Variants in TEAD1 observed in about 807,000 individuals in gnomAD.
TEAD1 encodes the protein TEA domain transcription factor 1, also known as transcriptional enhancer factor TEF-1.
A neutral mutation model predicts 54.9 loss-of-function variants in TEAD1; 9 were observed. That is an observed-to-expected ratio of 0.16 (90% confidence interval 0.10 to 0.29). The LOEUF (loss-of-function observed/expected upper bound fraction) is 0.29, where lower values mean the gene tolerates loss of function less well. TEAD1 is among the 10% of genes least tolerant of loss of function. TEAD1 has a pLI of 1.00. For missense variants in TEAD1, 387 were observed against 535.9 expected (o/e 0.72, Z 2.74); for synonymous variants, 200 against 187.8 (o/e 1.07, Z -0.53).
intron 2 of TEAD1, among the ~76,000 whole-genome samples, chr11:12,763,067 C>T (rs1159098885): frequency 2.0e-5 from 3 of 152,158 alleles, no homozygotes; most frequent in African/African-American, 7.2e-5. Context: ...GATCCTATAC[C>T]TTTTCAACAA....
intron 3 of TEAD1, among the ~76,000 whole-genome samples, chr11:12,830,385 C>G (rs989401344): frequency 1.3e-5 from 2 of 152,126 alleles, no homozygotes; most frequent in Admixed American, 6.5e-5. Flanking sequence ...AGACTCAACC[C>G]AAACCTGGCT....
At chr11:12,837,773 C>CTATTCCTCT (rs1946933752) in intron 3 of TEAD1, among the ~76,000 whole-genome samples, 1 of 24,102 alleles carries the variant, frequency 4.1e-5, no homozygotes, top group Admixed American at 7.8e-4. Context: ...CTTCTTCCTT[C>CTATTCCTCT]TCTTCCTCTT....
At chr11:12,741,835 G>A (rs1209217809) in intron 2 of TEAD1, among the ~76,000 whole-genome samples, 1 of 152,178 alleles carries the variant, frequency 6.6e-6, no homozygotes, top group Non-Finnish European at 1.5e-5. Context: ...GTGTGCCAGA[G>A]CTCCTGGGAT....
At chr11:12,696,716 G>A (rs1232619273) in intron 2 of TEAD1, among the ~76,000 whole-genome samples, 1 of 152,052 alleles carries the variant, frequency 6.6e-6, no homozygotes, top group Non-Finnish European at 1.5e-5. Flanking sequence ...CGACTAGTTT[G>A]TTGGGAAATA....
intron 10 of TEAD1, among the ~76,000 whole-genome samples, chr11:12,904,578 C>A (rs557813434): frequency 6.6e-6 from 1 of 152,306 alleles, no homozygotes; most frequent in Admixed American, 6.5e-5. Flanking sequence ...AAAATGACCA[C>A]TGTTATCTGA....
At chr11:12,709,461 A>C (rs1239019710) in intron 2 of TEAD1, among the ~76,000 whole-genome samples, 1 of 151,650 alleles carries the variant, frequency 6.6e-6, no homozygotes, top group Non-Finnish European at 1.5e-5. Flanking sequence ...GTTACACTTG[A>C]ACTTCTGGGC....
intron 10 of TEAD1, among the ~76,000 whole-genome samples, chr11:12,917,069 C>T (rs1287227279): frequency 1.3e-5 from 2 of 152,174 alleles, no homozygotes; most frequent in Non-Finnish European, 2.9e-5. Context: ...TGGTACATTA[C>T]ATGGCAAAGG....
intron 2 of TEAD1, among the ~76,000 whole-genome samples, chr11:12,747,228 A>G (rs909194835): frequency 2.6e-5 from 4 of 152,220 alleles, no homozygotes; most frequent in African/African-American, 9.6e-5. Context: ...AGTGGGGTGC[A>G]GAAATGAATG....
At chr11:12,764,513 C>G (rs1000733579) in intron 3 of TEAD1, 79 bp downstream of exon 3, 1 of 1,523,352 alleles carries the variant, frequency 6.6e-7, no homozygotes, top group Non-Finnish European at 9.1e-7. Context: ...GGTCTTCCAG[C>G]AAGAGCTGTT....
intron 2 of TEAD1, among the ~76,000 whole-genome samples, chr11:12,703,361 C>T (rs563643085): frequency 1.6e-4 from 24 of 152,312 alleles, no homozygotes; most frequent in South Asian, 2.1e-4. Flanking sequence ...CTCCCCTGCT[C>T]GGTACGTGGA....
chr11:12,811,043 A>G (rs916515324), intron 3 of TEAD1, among the ~76,000 whole-genome samples: 8 of 152,214 alleles, frequency 5.3e-5, no homozygotes, highest in Non-Finnish European at 1.0e-4. Context: ...TGTATGATTC[A>G]GGTGGGATGA....
intron 5 of TEAD1, among the ~76,000 whole-genome samples, chr11:12,876,086 G>A (rs1345355372): frequency 6.6e-6 from 1 of 152,170 alleles, no homozygotes; most frequent in Non-Finnish European, 1.5e-5. Context: ...TGTCATAAAA[G>A]CAATTGATTT....
rs868708311 is a variant in TEAD1 at position 12,674,464 on chromosome 11, T to A, written c.-578T>A. The A allele has an allele frequency of 6.6e-6, 1 of 151,088 alleles. No individual in the cohort carries two copies. The highest frequency in any genetic ancestry group is 1.5e-5 in the Non-Finnish European group (1 of 67,878). The allele number at this position is 151,088 out of a possible 1,614,324, so 9.4% of individuals were successfully genotyped here. ...ATCGCTCGCGCCGCGCCGCGCCGCCTGAGCCGAGCCGAGCCTCTGCTGCCG... is the reference window on the plus strand; with the variant it reads ...ATCGCTCGCGCCGCGCCGCGCCGCCAGAGCCGAGCCGAGCCTCTGCTGCCG... On this transcript the variant is annotated 5_prime_UTR_variant, in exon 1 of 13. Transcript: ENST00000527636.
intron 2 of TEAD1, among the ~76,000 whole-genome samples, chr11:12,742,703 T>A (rs1944671357): frequency 6.6e-6 from 1 of 151,886 alleles, no homozygotes. Flanking sequence ...CATATACAAC[T>A]ATTATTTATC....
intron 3 of TEAD1, among the ~76,000 whole-genome samples, chr11:12,809,383 C>T (rs12421189): frequency 3.2e-4 from 48 of 152,294 alleles, no homozygotes; most frequent in Non-Finnish European, 5.6e-4. Flanking sequence ...TTGCTGTCCC[C>T]ATTGACAGGG....
intron 2 of TEAD1, among the ~76,000 whole-genome samples, chr11:12,760,561 G>A (rs1301666136): frequency 6.6e-6 from 1 of 152,188 alleles, no homozygotes; most frequent in African/African-American, 2.4e-5. Context: ...GGATATATAT[G>A]TATGGGGAGG....
rs552852030 is a variant in TEAD1, at chr11:12,792,184, A to G, written c.202+27750A>G. Among the ~76,000 whole-genome samples, 48 of 152,236 alleles carry G rather than the reference A, an allele frequency of 3.2e-4. No individual in the cohort carries two copies. In the East Asian group the frequency reaches 6.0e-3, roughly 19 times the overall value. On this transcript the variant is annotated intron_variant, in intron 3 of 12. Coordinates refer to ENST00000527636, the MANE Select transcript of TEAD1 (RefSeq NM_021961.6). Reference sequence around the variant, plus strand: ...TACCAAAATAAGACAAAAATGAGTAAGTGTTTTTAAGGGAGATTTCCCTCA... The same window carrying G: ...TACCAAAATAAGACAAAAATGAGTAGGTGTTTTTAAGGGAGATTTCCCTCA...
intron 5 of TEAD1, among the ~76,000 whole-genome samples, chr11:12,866,840 G>T (rs1301019463): frequency 6.6e-6 from 1 of 152,162 alleles, no homozygotes; most frequent in Non-Finnish European, 1.5e-5. Context: ...CACTGTGATG[G>T]GCAGTTAACA....
intron 3 of TEAD1, among the ~76,000 whole-genome samples, chr11:12,806,066 G>A (rs1186233424): frequency 6.6e-6 from 1 of 152,184 alleles, no homozygotes; most frequent in Non-Finnish European, 1.5e-5. Flanking sequence ...GGCAAAGAGT[G>A]TCAGTGGAAG....
Sources: gnomAD v4.1 joint callset for allele counts (sites outside exome capture counted in the v4.1 genomes callset) on GRCh38, gnomAD v4.1.1 for gene constraint, MANE v1.5 for transcripts, NCBI Gene and HGNC (gene_info 2026-07-23, HGNC 2026-07-21) for gene names.